DENND1A: variants seen among roughly 807,000 people sequenced by gnomAD.
DENND1A encodes DENN domain containing 1A.
Under a neutral mutation model 113.7 loss-of-function variants are expected in DENND1A, and 51 were observed. That is an observed-to-expected ratio of 0.45 (90% CI 0.36 to 0.57). The LOEUF (loss-of-function observed/expected upper bound fraction) is 0.57. DENND1A is among the 20% of genes least tolerant of loss of function. The pLI is 0.00. For missense variants in DENND1A, 1,258 were observed against 1,395.9 expected (o/e 0.90, Z 1.57); for synonymous variants, 565 against 570.8 (o/e 0.99, Z 0.14).
chr9:123,694,000 GT>G (rs2065351162), intron 5 of DENND1A, among the ~76,000 whole-genome samples: 2 of 150,056 alleles, frequency 1.3e-5, no homozygotes, highest in African/African-American at 2.5e-5. Context: ...GCTAAATTTT[GT>G]ATTTTTTTTT....
intron 5 of DENND1A, among the ~76,000 whole-genome samples, chr9:123,691,096 A>G (rs1433370535): frequency 6.6e-6 from 1 of 152,156 alleles, no homozygotes; most frequent in Non-Finnish European, 1.5e-5. Context: ...AGAGGGAATA[A>G]ATGGGGGGGT....
chr9:123,622,062 A>C (rs2060990363), intron 10 of DENND1A, among the ~76,000 whole-genome samples: 1 of 152,218 alleles, frequency 6.6e-6, no homozygotes, highest in African/African-American at 2.4e-5. Flanking sequence ...AGTCATCTGG[A>C]AATGCCAAGA....
intron 5 of DENND1A, among the ~76,000 whole-genome samples, chr9:123,754,723 A>G (rs1053664293): frequency 6.6e-6 from 1 of 152,232 alleles, no homozygotes; most frequent in Non-Finnish European, 1.5e-5. Flanking sequence ...CTAACCTACT[A>G]TAACAGATTT....
chr9:123,593,653 TTTTTC>T (rs1249281657), intron 11 of DENND1A, among the ~76,000 whole-genome samples: 1 of 152,200 alleles, frequency 6.6e-6, no homozygotes, highest in African/African-American at 2.4e-5. Context: ...GGAGCTTTTC[TTTTTC>T]TTTTTTTTAA....
intron 2 of DENND1A, among the ~76,000 whole-genome samples, chr9:123,874,599 C>A (rs2133476887): frequency 6.6e-6 from 1 of 152,264 alleles, no homozygotes. Context: ...TGCACTTCAG[C>A]TGGGCAAAGG....
At chr9:123,891,672 T>G (rs1395834092) in intron 1 of DENND1A, among the ~76,000 whole-genome samples, 3 of 152,202 alleles carry the variant, frequency 2.0e-5, no homozygotes, top group Non-Finnish European at 4.4e-5. Context: ...TACCATCTTA[T>G]ACCGGCAGTA....
chr9:123,913,582 G>A (rs1353889647), intron 1 of DENND1A, among the ~76,000 whole-genome samples: 3 of 152,052 alleles, frequency 2.0e-5, no homozygotes, highest in African/African-American at 7.2e-5. Context: ...TCTGGAAGAG[G>A]GAGAAGAAGA....
Position 123,788,475 on chromosome 9 carries a change from A to G in DENND1A, c.132+4112T>C, listed in dbSNP as rs1031162058. On this transcript the variant is annotated intron_variant, in intron 3 of 23. Transcript: ENST00000394215. Reference sequence around the variant, plus strand: ...TCCTTTAATTCAATTAGTATTCATTAAAACTGAACTAATCACAATAAGTAA... The same window carrying G: ...TCCTTTAATTCAATTAGTATTCATTGAAACTGAACTAATCACAATAAGTAA... Among the ~76,000 whole-genome samples, 6 of 152,292 alleles carry G rather than the reference A, an allele frequency of 3.9e-5. No homozygotes were observed. In the East Asian group the frequency reaches 1.2e-3, roughly 29 times the overall value.
intron 2 of DENND1A, among the ~76,000 whole-genome samples, chr9:123,818,993 AC>A (rs1289076943): frequency 3.9e-5 from 6 of 152,222 alleles, no homozygotes; most frequent in Admixed American, 3.9e-4. Flanking sequence ...AGTCAGCATC[AC>A]CTACAAACTT....
In DENND1A at chr9:123,764,669, A is replaced by C. The variant is rs2071318427; in HGVS notation, c.182+4845T>G. Among the ~76,000 whole-genome samples, 1 of 152,222 alleles carries C rather than the reference A, an allele frequency of 6.6e-6. No individual in the cohort carries two copies. Among genetic ancestry groups the C allele is most frequent in the Non-Finnish European group, 1.5e-5 (1 of 68,036 alleles). Reference sequence around the variant, plus strand: ...GCAGAGCTCTGTCCATTCCCTCTACATGAGCCTGACAAAGTCAACATGAAG... The same window carrying C: ...GCAGAGCTCTGTCCATTCCCTCTACCTGAGCCTGACAAAGTCAACATGAAG... On this transcript the variant is annotated intron_variant, in intron 4 of 23. Transcript: ENST00000394215. The surrounding 1 kb of genome is among the most constrained non-coding windows in gnomAD (Gnocchi z 4.1).
chr9:123,468,806 C>T (rs200387837), intron 13 of DENND1A, among the ~76,000 whole-genome samples: 3 of 152,218 alleles, frequency 2.0e-5, no homozygotes, highest in African/African-American at 4.8e-5. Context: ...CAGACACTGG[C>T]GTGAGTGTGA....
intron 2 of DENND1A, among the ~76,000 whole-genome samples, chr9:123,857,412 GT>G (rs1844383000): frequency 6.6e-6 from 1 of 152,070 alleles, no homozygotes; most frequent in East Asian, 1.9e-4. Flanking sequence ...TAAACTGAAA[GT>G]TTAATGAGAA....
intron 13 of DENND1A, among the ~76,000 whole-genome samples, chr9:123,517,510 T>G (rs2054039739): frequency 6.6e-6 from 1 of 151,194 alleles, no homozygotes; most frequent in South Asian, 2.1e-4. Flanking sequence ...TCCCAGTTAT[T>G]TGGGAGGCTG....
chr9:123,483,922 G>GT (rs929664944), intron 13 of DENND1A, among the ~76,000 whole-genome samples: 5 of 152,110 alleles, frequency 3.3e-5, no homozygotes, highest in South Asian at 2.1e-4. Context: ...TTTTTTTTGT[G>GT]TTTTTTTAAA....
intron 13 of DENND1A, among the ~76,000 whole-genome samples, chr9:123,519,284 G>A (rs1461637049): frequency 2.0e-5 from 3 of 152,160 alleles, no homozygotes; most frequent in Non-Finnish European, 1.5e-5. Flanking sequence ...GGGATCATCT[G>A]TCTCCAGTCA....
chr9:123,387,916 T>C, intron 21 of DENND1A, 58 bp from the exon 22 acceptor site: 1 of 1,270,242 alleles, frequency 7.9e-7, no homozygotes, highest in Non-Finnish European at 1.0e-6. Context: ...CCCTCAGAAC[T>C]TCACGTGCAG....
At chr9:123,828,267 A>G (rs1023227471) in intron 2 of DENND1A, among the ~76,000 whole-genome samples, 22 of 152,178 alleles carry the variant, frequency 1.4e-4, no homozygotes, top group African/African-American at 5.3e-4. Flanking sequence ...AAATGAATTA[A>G]TAACTCAGTG....
chr9:123,421,715 C>G (rs945042590), intron 19 of DENND1A, among the ~76,000 whole-genome samples: 2 of 152,204 alleles, frequency 1.3e-5, no homozygotes, highest in African/African-American at 4.8e-5. Context: ...GAATTCTCCT[C>G]ATTTTGCAGA....
chr9:123,838,935 G>A (rs1841435899), intron 2 of DENND1A, among the ~76,000 whole-genome samples: 1 of 152,056 alleles, frequency 6.6e-6, no homozygotes, highest in Non-Finnish European at 1.5e-5. Context: ...AATCTTTTTA[G>A]GTGTATTATC....
Sources: allele counts gnomAD v4.1 joint callset (sites outside exome capture counted in the v4.1 genomes callset), GRCh38; gene constraint gnomAD v4.1.1; non-coding constraint Gnocchi (gnomAD v3.1); transcripts MANE v1.5; gene names NCBI Gene and HGNC (gene_info 2026-07-23, HGNC 2026-07-21).